Variants in P2RX5 observed in about 807,000 individuals in gnomAD.
The protein encoded by P2RX5 is purinergic receptor P2X 5.
In P2RX5, 46 loss-of-function variants were observed where a neutral mutation model predicts 54.1. The ratio of observed to expected loss-of-function variants is 0.85; its 90% CI spans 0.67 to 1.09. P2RX5 has a LOEUF of 1.09. P2RX5 is among the 50% of genes least tolerant of loss of function. The probability of loss-of-function intolerance (pLI) is 0.00; values close to 1 mark genes in which losing one functional copy is unlikely to be tolerated. For synonymous variants in P2RX5, 226 were observed against 226.4 expected (o/e 1.00, Z 0.02); for missense variants, 566 against 549.8 (o/e 1.03, Z -0.29).
the P2RX5 span, among the ~76,000 whole-genome samples, chr17:3,705,637 C>T: frequency 2.0e-5 from 3 of 152,130 alleles, no homozygotes; most frequent in African/African-American, 7.2e-5. Context: ...AACAGTCTGA[C>T]CACAGGACCT....
At chr17:3,696,954 C>G (rs963123276), upstream of P2RX5, among the ~76,000 whole-genome samples, 1 of 152,130 alleles carries the variant, frequency 6.6e-6, no homozygotes, top group Non-Finnish European at 1.5e-5. Context: ...GTGGCTCCCC[C>G]ACAGGCTGGA....
chr17:3,704,408 C>G, the P2RX5 span, among the ~76,000 whole-genome samples: 9 of 152,218 alleles, frequency 5.9e-5, no homozygotes, highest in Non-Finnish European at 1.2e-4. Flanking sequence ...CCTCCCAAGG[C>G]AACTCGCCCT....
At chr17:3,692,043 C>T (rs189814916) in intron 1 of P2RX5, 88 of 527,586 alleles carry the variant, frequency 1.7e-4, no homozygotes, top group Admixed American at 7.9e-4. Context: ...AAAGACCAGC[C>T]GGGCGCAGTG....
chr17:3,688,044 C>G lies in P2RX5; in HGVS notation c.949G>C (p.Gly317Arg), dbSNP rs764541647. 5 of 1,604,152 alleles carry G rather than the reference C, an allele frequency of 3.1e-6. No individual in the cohort carries two copies. Among genetic ancestry groups the G allele is most frequent in the Non-Finnish European group, 4.3e-6 (5 of 1,175,750 alleles). The change falls in exon 9 of 12, where the codon GGG (glycine) becomes CGG (arginine). Residue 317 changes from glycine (G) to arginine (R), a missense_variant. Coordinates refer to ENST00000225328, the MANE Select transcript of P2RX5 (RefSeq NM_002561.4). ...TTCACCATCACGTCAAAGCGGATCCCGTAGGCTTTCATCAGGGTGCGGAAC... is the reference window on the plus strand; with the variant it reads ...TTCACCATCACGTCAAAGCGGATCCGGTAGGCTTTCATCAGGGTGCGGAAC... ...VEFRTLMKAY[G>R]IRFDVMVNGK... is the part of the protein sequence containing the mutation.
At chr17:3,675,287 G>A (rs1255212764) in intron 11 of P2RX5, 7 of 880,202 alleles carry the variant, frequency 8.0e-6, no homozygotes, top group Non-Finnish European at 9.5e-6. Flanking sequence ...CAATCTGCCC[G>A]CCTCGGCCTC....
At chr17:3,679,881 G>C in intron 10 of P2RX5, 97 bp from the exon 11 acceptor site, 1 of 1,058,900 alleles carries the variant, frequency 9.4e-7, no homozygotes, top group South Asian at 1.3e-5. Context: ...TCGCCCTGCA[G>C]GCCGCCACCC....
chr17:3,699,921 A>AG (rs1449574063), upstream of P2RX5, among the ~76,000 whole-genome samples: 1 of 32,454 alleles, frequency 3.1e-5, no homozygotes, highest in South Asian at 1.5e-3. Flanking sequence ...AAGGAAGGAA[A>AG]GAAAGAAAGA....
At chr17:3,714,207 G>A in the P2RX5 span, among the ~76,000 whole-genome samples, 3 of 151,642 alleles carry the variant, frequency 2.0e-5, no homozygotes, top group South Asian at 4.2e-4. Flanking sequence ...GATTACAGGC[G>A]TGAGCCACCG....
chr17:3,704,423 C>T, the P2RX5 span, among the ~76,000 whole-genome samples: 12 of 152,208 alleles, frequency 7.9e-5, no homozygotes, highest in Non-Finnish European at 1.0e-4. Flanking sequence ...CGCCCTTTTC[C>T]TTTTGCTGAG....
intron 11 of P2RX5, among the ~76,000 whole-genome samples, chr17:3,674,388 C>G (rs946111814): frequency 2.6e-5 from 4 of 151,466 alleles, no homozygotes; most frequent in African/African-American, 9.7e-5. Flanking sequence ...ACTCTTGCAC[C>G]AAGATTATGC....
the P2RX5 span, among the ~76,000 whole-genome samples, chr17:3,716,119 C>T: frequency 6.6e-6 from 1 of 151,146 alleles, no homozygotes; most frequent in Non-Finnish European, 1.5e-5. Context: ...TGCAGTGAGC[C>T]GAGATCGCAC....
chr17:3,697,257 A>G (rs1190202369), upstream of P2RX5, among the ~76,000 whole-genome samples: 1 of 152,178 alleles, frequency 6.6e-6, no homozygotes, highest in Non-Finnish European at 1.5e-5. Flanking sequence ...CCCAACGCAC[A>G]AGAAATAGAA....
chr17:3,721,260 CTTTTTTT>C, the P2RX5 span, among the ~76,000 whole-genome samples: 2 of 46,214 alleles, frequency 4.3e-5, no homozygotes, highest in Admixed American at 2.9e-4. Context: ...GAGATTTTTC[CTTTTTTT>C]TTTTTTTTTT....
chr17:3,681,868 G>T (rs199608251), intron 10 of P2RX5, 28 bp downstream of exon 10: 2 of 1,540,668 alleles, frequency 1.3e-6, no homozygotes, highest in Non-Finnish European at 1.8e-6. Flanking sequence ...GGCTGCCCTC[G>T]GGCCGCCGGC....
chr17:3,690,302 G>T, intron 5 of P2RX5, 125 bp downstream of exon 5: 2 of 1,121,182 alleles, frequency 1.8e-6, no homozygotes, highest in East Asian at 2.4e-5. Context: ...GTCGGGCCTC[G>T]CTGGGACAGC....
rs963702260 is a variant in P2RX5 at position 3,679,562 on chromosome 17, C to G, written c.1259+28G>C. The G allele has an allele frequency of 5.6e-6, 9 of 1,599,534 alleles. No homozygotes were observed. The African/African-American group carries it at 1.2e-4, about 21-fold the overall frequency. On this transcript the variant is annotated intron_variant, in intron 11 of 11. Transcript: ENST00000225328. ...ACCCCTCTCTGCAGGACCCAGCTGT[C>G]GGGCTCTCTGCCTAGCAGTGGCCTC...
intron 10 of P2RX5, among the ~76,000 whole-genome samples, chr17:3,681,420 G>A (rs1275760707): frequency 2.0e-5 from 3 of 148,396 alleles, no homozygotes; most frequent in Admixed American, 6.7e-5. Context: ...CTGTGAACAC[G>A]CACACCCCAC....
chr17:3,679,192 G>A (rs909233216), intron 11 of P2RX5, among the ~76,000 whole-genome samples: 3 of 152,174 alleles, frequency 2.0e-5, no homozygotes, highest in African/African-American at 7.2e-5. Context: ...GCAAATTACC[G>A]AGCCTTTCTG....
intron 8 of P2RX5, 54 bp downstream of exon 8, chr17:3,688,572 A>T: frequency 6.3e-7 from 1 of 1,592,682 alleles, no homozygotes; most frequent in Middle Eastern, 1.7e-4. Context: ...CACCCAGATG[A>T]GTGAGTGCCA....
Sources: gnomAD v4.1 joint callset for allele counts (sites outside exome capture counted in the v4.1 genomes callset) on GRCh38, gnomAD v4.1.1 for gene constraint, MANE v1.5 for transcripts, NCBI Gene and HGNC (gene_info 2026-07-23, HGNC 2026-07-21) for gene names.